The following ITSN1 variants were observed in gnomAD, a reference collection of about 807,000 sequenced individuals.
The protein encoded by ITSN1 is intersectin-1.
A neutral mutation model predicts 239.8 loss-of-function variants in ITSN1; 58 were observed. The observed-to-expected ratio is 0.24, with a 90% CI of 0.20 to 0.30. The LOEUF (loss-of-function observed/expected upper bound fraction) is 0.30, where lower values mean the gene tolerates loss of function less well. Among genes scored for constraint, ITSN1 ranks in the 10% least tolerant of loss-of-function variants. ITSN1 has a pLI of 1.00. For synonymous variants in ITSN1, 780 were observed against 770.8 expected (o/e 1.01, Z -0.20); for missense variants, 1,558 against 2,103.3 (o/e 0.74, Z 5.07).
At chr21:33,731,522 A>T (rs996217109) in intron 4 of ITSN1, among the ~76,000 whole-genome samples, 2 of 152,268 alleles carry the variant, frequency 1.3e-5, no homozygotes, top group African/African-American at 4.8e-5. Context: ...AAAATAAAGC[A>T]ACCAGAAGCC....
intron 5 of ITSN1, among the ~76,000 whole-genome samples, chr21:33,739,596 G>A (rs943517469): frequency 2.6e-5 from 4 of 152,314 alleles, no homozygotes; most frequent in African/African-American, 4.8e-5. Flanking sequence ...CAGAGAGAGA[G>A]AAACCAGTAG....
intron 16 of ITSN1, among the ~76,000 whole-genome samples, chr21:33,791,856 C>T (rs2071159254): frequency 6.6e-6 from 1 of 152,032 alleles, no homozygotes; most frequent in South Asian, 2.1e-4. Flanking sequence ...GAAATAAGGA[C>T]TTTTCTTTAT....
chr21:33,752,045 T>G, intron 7 of ITSN1, 139 bp downstream of exon 7: 2 of 608,954 alleles, frequency 3.3e-6, no homozygotes, highest in East Asian at 6.2e-5. Context: ...TAATAATAAT[T>G]TTCTTAATTT....
intron 27 of ITSN1, 79 bp downstream of exon 27, chr21:33,829,824 G>T: frequency 6.4e-7 from 1 of 1,550,892 alleles, no homozygotes; most frequent in Non-Finnish European, 8.8e-7. Context: ...CTATTTTATT[G>T]TAAAGTACAA....
intron 34 of ITSN1, among the ~76,000 whole-genome samples, chr21:33,877,501 G>C (rs1011896209): frequency 6.6e-6 from 1 of 152,266 alleles, no homozygotes; most frequent in East Asian, 1.9e-4. Context: ...ACCTGATAAA[G>C]CACACATTCT....
intron 1 of ITSN1, among the ~76,000 whole-genome samples, chr21:33,661,026 G>C (rs969312486): frequency 6.6e-6 from 1 of 152,118 alleles, no homozygotes; most frequent in Non-Finnish European, 1.5e-5. Context: ...TTTAAATGTT[G>C]AGAAGCAGTC....
chr21:33,665,644 A>C (rs1049757993), intron 1 of ITSN1, among the ~76,000 whole-genome samples: 10 of 152,194 alleles, frequency 6.6e-5, no homozygotes, highest in African/African-American at 2.2e-4. Context: ...TATATACCAA[A>C]AGAAAACAGG....
intron 16 of ITSN1, among the ~76,000 whole-genome samples, chr21:33,785,514 T>C (rs763712484): frequency 1.3e-5 from 2 of 152,242 alleles, no homozygotes; most frequent in Non-Finnish European, 2.9e-5. Context: ...AATGTCTTGC[T>C]CAGATTAATT....
At position 33,774,853 on chromosome 21, in the gene ITSN1, C is replaced by T; in HGVS notation, c.1430C>T (p.Thr477Ile). The stretch of plus-strand genomic sequence containing the variant: ...GTTGTACTGAAAGCAAAGAAAAAGA[C>T]TTTGGAATTTGAATTAGAAGCTCTA... ...DIVVLKAKKK[T>I]LEFELEALND... is the part of the protein sequence containing the mutation. Residue 477 changes from threonine (T) to isoleucine (I), a missense_variant, in exon 13 of 40, where the codon ACT (threonine) becomes ATT (isoleucine). By Grantham distance (89) the Thr-to-Ile change is moderately conservative (BLOSUM62 -1). Coordinates refer to ENST00000381318, the MANE Select transcript of ITSN1 (RefSeq NM_003024.3). The T allele has an allele frequency of 6.2e-7, 1 of 1,612,330 alleles. No homozygotes were observed. The highest frequency in any genetic ancestry group is 8.5e-7 in the Non-Finnish European group (1 of 1,179,520).
At position 33,840,372 on chromosome 21, in the gene ITSN1, A is replaced by AT. The variant is rs3216561; in HGVS notation, c.3661+3751dup. 3.0e-3 allele frequency among the ~76,000 whole-genome samples: 437 copies of AT among 147,886 alleles called. 5 individuals carry two copies. The highest frequency in any genetic ancestry group is 0.021 in the East Asian group (105 of 5,090). Reference sequence around the variant, plus strand: ...TTAGCTATTTGTTTTTTGTTTTTTAATTTTTTTTTTTGAGACAGTCTTACT... The same window carrying AT: ...TTAGCTATTTGTTTTTTGTTTTTTAATTTTTTTTTTTTGAGACAGTCTTACT... On this transcript the variant is annotated intron_variant, in intron 29 of 39. Transcript: ENST00000381318.
At chr21:33,777,387 T>C (rs2069724297) in intron 14 of ITSN1, among the ~76,000 whole-genome samples, 1 of 152,214 alleles carries the variant, frequency 6.6e-6, no homozygotes, top group Admixed American at 6.5e-5. Flanking sequence ...GTGATACGAA[T>C]TCTCTGTTAT....
At chr21:33,705,477 T>C (rs979906991) in intron 1 of ITSN1, among the ~76,000 whole-genome samples, 3 of 152,082 alleles carry the variant, frequency 2.0e-5, no homozygotes, top group Admixed American at 6.5e-5. Context: ...AAGCTCTGCC[T>C]CCTGGGTTCA....
intron 14 of ITSN1, among the ~76,000 whole-genome samples, chr21:33,779,138 C>T (rs1398180907): frequency 6.7e-6 from 1 of 149,082 alleles, no homozygotes; most frequent in East Asian, 2.0e-4. Flanking sequence ...AAGCCCTTGG[C>T]TTTATTGATT....
At chr21:33,837,588 G>C in intron 29 of ITSN1, 1 of 985,874 alleles carries the variant, frequency 1.0e-6, no homozygotes, top group South Asian at 4.7e-5. Flanking sequence ...TATAGAATGA[G>C]CCCAATTAAA....
rs371989388 is a variant in ITSN1, at chr21:33,797,652, C to T, written c.2182+44C>T. 5.4e-5 allele frequency: 81 copies of T among 1,498,422 alleles called. No homozygotes were observed. The highest frequency in any genetic ancestry group is 3.5e-4 in the Middle Eastern group (2 of 5,796). The allele number at this position is 1,498,422 out of a possible 1,614,324, so 92.8% of individuals were successfully genotyped here. A position where few individuals can be genotyped will look rare whatever the true frequency, so the allele number is the denominator to read the frequency against. On this transcript the variant is annotated intron_variant, in intron 18 of 39. Coordinates refer to ENST00000381318, the MANE Select transcript of ITSN1 (RefSeq NM_003024.3). The surrounding 1 kb of genome is among the most constrained non-coding windows in gnomAD (Gnocchi z 4.9). ...AATTATAGAAAATAAGTCATCTTCT[C>T]TCCCAGAGCCTCCTGAAAAATGCCC...
At chr21:33,715,466 C>T (rs573832060) in intron 1 of ITSN1, among the ~76,000 whole-genome samples, 2 of 152,254 alleles carry the variant, frequency 1.3e-5, no homozygotes, top group African/African-American at 2.4e-5. Flanking sequence ...CCAGAGCTTA[C>T]CATTTTTGGG....
chr21:33,730,918 A>T (rs1289228434), intron 4 of ITSN1, among the ~76,000 whole-genome samples: 1 of 145,278 alleles, frequency 6.9e-6, no homozygotes, highest in Non-Finnish European at 1.5e-5. Flanking sequence ...CTGGTCTCGA[A>T]CTCCTGACCT....
Position 33,829,740 on chromosome 21 carries a change from C to T in ITSN1, c.3346C>T (p.Leu1116=). ...CCCAGGTGGATGGTGGGAAGGAGAGCTGCAAGTCAGTGTCTTTTTTGTTTA... is the reference window on the plus strand; with the variant it reads ...CCCAGGTGGATGGTGGGAAGGAGAGTTGCAAGTCAGTGTCTTTTTTGTTTA... ...KNPGGWWEGE[L]QARGKKRQIG... The change falls in exon 27 of 40, where the codon CTG becomes TTG. Residue 1116 remains leucine (L), a synonymous_variant. Transcript: ENST00000381318. The T allele has an allele frequency of 6.2e-7, 1 of 1,613,706 alleles. No individual in the cohort carries two copies. Among genetic ancestry groups the T allele is most frequent in the Non-Finnish European group, 8.5e-7 (1 of 1,179,912 alleles).
intron 29 of ITSN1, among the ~76,000 whole-genome samples, chr21:33,850,991 G>A (rs1215058789): frequency 1.3e-5 from 2 of 152,184 alleles, no homozygotes; most frequent in Non-Finnish European, 2.9e-5. Context: ...TGAGCCAGAG[G>A]ATTTGGGCTG....
Sources: gnomAD v4.1 joint callset for allele counts (sites outside exome capture counted in the v4.1 genomes callset) on GRCh38, gnomAD v4.1.1 for gene constraint, Gnocchi (gnomAD v3.1) non-coding constraint, MANE v1.5 for transcripts, NCBI Gene and HGNC (gene_info 2026-07-23, HGNC 2026-07-21) for gene names.